ADAM23: variants seen among roughly 807,000 people sequenced by gnomAD.
ADAM23 encodes the protein ADAM metallopeptidase domain 23, also known as disintegrin and metalloproteinase domain-containing protein 23.
Under a neutral mutation model 120.1 loss-of-function variants are expected in ADAM23, and 33 were observed. That is an observed-to-expected ratio of 0.27 (90% confidence interval 0.21 to 0.37). The LOEUF (loss-of-function observed/expected upper bound fraction) is 0.37, where lower values mean the gene tolerates loss of function less well. Among genes scored for constraint, ADAM23 ranks in the 10% least tolerant of loss-of-function variants. ADAM23 has a pLI of 1.00. For synonymous variants in ADAM23, 367 were observed against 375.2 expected, an observed-to-expected ratio of 0.98 and a Z score of 0.25; for missense variants, 862 against 1,058.2, an observed-to-expected ratio of 0.81 and a Z score of 2.57.
chr2:206,458,609 C>T (rs1695350959), intron 2 of ADAM23, among the ~76,000 whole-genome samples: 3 of 152,188 alleles, frequency 2.0e-5, no homozygotes, highest in Admixed American at 6.5e-5. Flanking sequence ...CTAAGTCAGG[C>T]TTGGATATTA....
intron 13 of ADAM23, among the ~76,000 whole-genome samples, chr2:206,563,966 A>G (rs1001519674): frequency 4.0e-5 from 6 of 151,854 alleles, no homozygotes; most frequent in Admixed American, 1.3e-4. Flanking sequence ...TCCTGACCTC[A>G]TGATCTGCCC....
At position 206,608,262 on chromosome 2, in the gene ADAM23, A is replaced by G. The variant is rs1698766249; in HGVS notation, c.2360-1648A>G. Among the ~76,000 whole-genome samples, 2 of 152,196 alleles carry G rather than the reference A, an allele frequency of 1.3e-5. 1 individual carries two copies. Among genetic ancestry groups the G allele is most frequent in the African/African-American group, 4.8e-5 (2 of 41,454 alleles). On this transcript the variant is annotated intron_variant, in intron 24 of 25. Transcript: ENST00000264377. Reference sequence around the variant, plus strand: ...TGAATGTGCATGGCTATGTTCCGATAAAACTTTTTTGCAAAAGCAGACAGT... The same window carrying G: ...TGAATGTGCATGGCTATGTTCCGATGAAACTTTTTTGCAAAAGCAGACAGT...
intron 17 of ADAM23, among the ~76,000 whole-genome samples, 196 bp downstream of exon 17, chr2:206,572,012 A>G (rs1698011211): frequency 6.6e-6 from 1 of 152,100 alleles, no homozygotes; most frequent in Non-Finnish European, 1.5e-5. Flanking sequence ...TTCACTACCA[A>G]CCATCTTATC....
In ADAM23 at chr2:206,448,732, CT is replaced by C. The variant is rs1172320084; in HGVS notation, c.432+3212del. On this transcript the variant is annotated intron_variant, in intron 2 of 25. Transcript: ENST00000264377. ...CACCCAAAAGACTGGGTTCTGGAAA[CT>C]TTTGGATAGCTGAACATGTGGAACT... 4.6e-5 allele frequency among the ~76,000 whole-genome samples: 7 copies of C among 152,288 alleles called. No individual in the cohort carries two copies. The East Asian group carries it at 1.4e-3, about 29-fold the overall frequency.
chr2:206,602,983 G>A (rs1436179244), intron 24 of ADAM23, among the ~76,000 whole-genome samples: 1 of 152,092 alleles, frequency 6.6e-6, no homozygotes, highest in Non-Finnish European at 1.5e-5. Context: ...AAGAGTTAGG[G>A]AGCAAAGTTA....
intron 3 of ADAM23, among the ~76,000 whole-genome samples, chr2:206,486,256 G>C (rs12994332): frequency 0.074 from 11,283 of 151,630 alleles, 485 homozygotes; most frequent in Middle Eastern, 0.12. Flanking sequence ...TTAAAATTTT[G>C]TTTAGTGTTT....
chr2:206,467,899 C>G (rs897574462), intron 2 of ADAM23, among the ~76,000 whole-genome samples: 1 of 152,182 alleles, frequency 6.6e-6, no homozygotes, highest in African/African-American at 2.4e-5. Flanking sequence ...AGGCTTAATG[C>G]TACATGGAAG....
chr2:206,577,545 GA>G (rs1698138875), intron 18 of ADAM23, among the ~76,000 whole-genome samples: 1 of 138,424 alleles, frequency 7.2e-6, no homozygotes, highest in Non-Finnish European at 1.5e-5. Flanking sequence ...AGTTTACTGA[GA>G]ATGATGATTT....
intron 18 of ADAM23, among the ~76,000 whole-genome samples, chr2:206,575,634 A>G (rs574631953): frequency 4.1e-4 from 63 of 152,142 alleles, no homozygotes; most frequent in Non-Finnish European, 7.2e-4. Flanking sequence ...ATTATTGAAA[A>G]TGGCCAAGTT....
At chr2:206,445,831 C>T (rs1695072243) in intron 2 of ADAM23, among the ~76,000 whole-genome samples, 1 of 152,196 alleles carries the variant, frequency 6.6e-6, no homozygotes, top group African/African-American at 2.4e-5. Context: ...TAACTTGTTT[C>T]TGTGAGGCTT....
At chr2:206,503,318 C>T (rs1216996647) in intron 3 of ADAM23, among the ~76,000 whole-genome samples, 1 of 151,900 alleles carries the variant, frequency 6.6e-6, no homozygotes, top group African/African-American at 2.4e-5. Flanking sequence ...TGATTTCTTA[C>T]AGTAGACAAG....
intron 18 of ADAM23, among the ~76,000 whole-genome samples, chr2:206,586,936 G>A (rs1698333034): frequency 6.6e-6 from 1 of 152,148 alleles, no homozygotes; most frequent in Admixed American, 6.5e-5. Flanking sequence ...ATGCAGATTT[G>A]ACATTTTCAG....
chr2:206,566,519 T>C (rs1035070373), intron 14 of ADAM23, among the ~76,000 whole-genome samples: 1 of 152,188 alleles, frequency 6.6e-6, no homozygotes, highest in African/African-American at 2.4e-5. Flanking sequence ...TGTTCTGACA[T>C]AGAGATATTA....
chr2:206,576,532 G>A lies in ADAM23; in HGVS notation c.1737+3337G>A, dbSNP rs137953151. On this transcript the variant is annotated intron_variant, in intron 18 of 25. Transcript: ENST00000264377. Reference sequence around the variant, plus strand: ...AATATTTTTCTAGCATGATCAGGATGAACCTAAAATAGAAGTAGAGGGAGT... The same window carrying A: ...AATATTTTTCTAGCATGATCAGGATAAACCTAAAATAGAAGTAGAGGGAGT... Among the ~76,000 whole-genome samples the A allele has an allele frequency of 3.0e-3, 449 of 152,098 alleles. 2 individuals carry two copies. The highest frequency in any genetic ancestry group is 0.01 in the African/African-American group (428 of 41,522).
At chr2:206,498,728 G>A (rs1166814881) in intron 3 of ADAM23, among the ~76,000 whole-genome samples, 1 of 152,064 alleles carries the variant, frequency 6.6e-6, no homozygotes, top group East Asian at 1.9e-4. Flanking sequence ...TACAGAATGG[G>A]AGAAAATTTT....
At chr2:206,501,258 A>T (rs923496823) in intron 3 of ADAM23, among the ~76,000 whole-genome samples, 1 of 151,986 alleles carries the variant, frequency 6.6e-6, no homozygotes, top group Admixed American at 6.6e-5. Context: ...TCTTATCCCT[A>T]TTGAGAGCTC....
At chr2:206,609,321 G>C (rs1336517822) in intron 24 of ADAM23, among the ~76,000 whole-genome samples, 1 of 152,082 alleles carries the variant, frequency 6.6e-6, no homozygotes, top group African/African-American at 2.4e-5. Context: ...CCCCATTTTG[G>C]TCTTTACCAC....
chr2:206,450,802 T>C (rs1695176964), intron 2 of ADAM23, among the ~76,000 whole-genome samples: 1 of 152,208 alleles, frequency 6.6e-6, no homozygotes, highest in African/African-American at 2.4e-5. Context: ...GTAAATCAGA[T>C]TTACACATAG....
intron 18 of ADAM23, among the ~76,000 whole-genome samples, chr2:206,583,664 C>T (rs1180228266): frequency 6.6e-6 from 1 of 151,950 alleles, no homozygotes; most frequent in African/African-American, 2.4e-5. Flanking sequence ...CTGAGACTTT[C>T]CAGAGCATTT....
Sources: allele counts gnomAD v4.1 joint callset (sites outside exome capture counted in the v4.1 genomes callset), GRCh38; gene constraint gnomAD v4.1.1; transcripts MANE v1.5; gene names NCBI Gene and HGNC (gene_info 2026-07-23, HGNC 2026-07-21).